Variants in SHANK2 observed in about 807,000 individuals in gnomAD.
SHANK2 encodes the protein SH3 and multiple ankyrin repeat domains protein 2.
A neutral mutation model predicts 133.7 loss-of-function variants in SHANK2; 43 were observed. The ratio of observed to expected loss-of-function variants is 0.32; its 90% confidence interval spans 0.25 to 0.41. The LOEUF (loss-of-function observed/expected upper bound fraction) is 0.41, where lower values mean the gene tolerates loss of function less well. SHANK2 is among the 10% of genes least tolerant of loss of function. The pLI is 1.00. For synonymous variants in SHANK2, 1,017 were observed against 952.8 expected, an observed-to-expected ratio of 1.07 and a Z score of -1.24; for missense variants, 1,994 against 2,235.8, an observed-to-expected ratio of 0.89 and a Z score of 2.18.
Position 70,938,833 on chromosome 11 carries a change from G to A in SHANK2, c.1108-42266C>T, listed in dbSNP as rs138370877. ...CTAGAGCATGGAATGCAGTGAGCAC[G>A]GCAGAGAAGGGAGGTGACGTGATAA... is the stretch of plus-strand genomic sequence containing the variant. On this transcript the variant is annotated intron_variant, in intron 10 of 25. Coordinates refer to ENST00000601538, the MANE Select transcript of SHANK2 (RefSeq NM_012309.5). 5.5e-3 allele frequency among the ~76,000 whole-genome samples: 831 copies of A among 152,212 alleles called. 5 individuals are homozygous for A. The highest frequency in any genetic ancestry group is 0.019 in the African/African-American group (791 of 41,518).
chr11:71,203,311 C>G (rs768658208), intron 2 of SHANK2, among the ~76,000 whole-genome samples: 3 of 152,092 alleles, frequency 2.0e-5, no homozygotes, highest in Non-Finnish European at 4.4e-5. Context: ...CTATGATAAC[C>G]CCTATTTCAA....
chr11:70,849,834 C>G (rs1949056502), intron 11 of SHANK2, among the ~76,000 whole-genome samples: 1 of 152,094 alleles, frequency 6.6e-6, no homozygotes, highest in Non-Finnish European at 1.5e-5. Context: ...AATGTTTTTA[C>G]TCATGGCAAA....
In SHANK2 at chr11:70,820,296, C is replaced by T; in HGVS notation, c.1493+68G>A. The T allele has an allele frequency of 8.5e-6, 5 of 591,438 alleles. No homozygotes were observed. In the South Asian group the frequency reaches 8.7e-5, roughly 10 times the overall value. 36.6% of individuals were successfully genotyped at this position (591,438 alleles called of 1,614,324 possible). ...TTCCTGCTCAACTTCTGGGCCACCC[C>T]AAGTTGGAGGAGCTGGGACCCCCAG... is the stretch of plus-strand genomic sequence containing the variant. On this transcript the variant is annotated intron_variant, in intron 12 of 25. Transcript: ENST00000601538.
At chr11:70,531,350 T>C (rs2059467674) in intron 17 of SHANK2, among the ~76,000 whole-genome samples, 1 of 152,180 alleles carries the variant, frequency 6.6e-6, no homozygotes, top group Non-Finnish European at 1.5e-5. Flanking sequence ...GTGGGGCCAC[T>C]CTTTGGGGTC....
intron 17 of SHANK2, among the ~76,000 whole-genome samples, chr11:70,515,637 GAAAA>G (rs58440823): frequency 5.0e-5 from 4 of 79,958 alleles, no homozygotes; most frequent in South Asian, 7.0e-4. Context: ...CTCGTTCCTT[GAAAA>G]AAAAAAAAAA....
intron 14 of SHANK2, among the ~76,000 whole-genome samples, chr11:70,775,729 C>T (rs1271173744): frequency 1.3e-5 from 2 of 152,210 alleles, no homozygotes; most frequent in Non-Finnish European, 1.5e-5. Context: ...TCCTTGGTTA[C>T]ATGATTTGTT....
At chr11:70,501,796 C>G in intron 20 of SHANK2, 127 bp downstream of exon 20, 1 of 932,992 alleles carries the variant, frequency 1.1e-6, no homozygotes, top group Non-Finnish European at 1.7e-6. Context: ...GAGGATGGAG[C>G]CTTCTGGTCT....
chr11:70,584,321 T>G (rs1341309772), intron 17 of SHANK2, among the ~76,000 whole-genome samples: 1 of 152,196 alleles, frequency 6.6e-6, no homozygotes, highest in Non-Finnish European at 1.5e-5. Flanking sequence ...TCTGTGTCTT[T>G]TATTTTCTCT....
intron 11 of SHANK2, among the ~76,000 whole-genome samples, chr11:70,848,823 G>A (rs1161710382): frequency 1.3e-5 from 2 of 152,112 alleles, no homozygotes; most frequent in Admixed American, 1.3e-4. Context: ...TTACAGAATG[G>A]GAGAGCCAGT....
rs1421248443 is a variant in SHANK2 at position 70,679,471 on chromosome 11, T to G, written c.1854-17793A>C. ...ACCCTCGGCCCCCTCTTTTGGGGTG[T>G]GCACCTGCCTGGGGCAGTCCCTCTG... is the stretch of plus-strand genomic sequence containing the variant. On this transcript the variant is annotated intron_variant, in intron 15 of 25. Transcript: ENST00000601538. Among the ~76,000 whole-genome samples the G allele has an allele frequency of 2.6e-5, 4 of 152,236 alleles. No homozygotes were observed. In the East Asian group the frequency reaches 7.7e-4, roughly 29 times the overall value.
chr11:70,671,822 G>A (rs12575685), intron 15 of SHANK2, among the ~76,000 whole-genome samples: 35,137 of 152,030 alleles, frequency 0.23, 4,920 homozygotes, highest in Non-Finnish European at 0.31. Context: ...TCCAAAGCTG[G>A]CACGGACTCT....
At chr11:70,541,339 A>C (rs948748710) in intron 17 of SHANK2, among the ~76,000 whole-genome samples, 64 of 152,286 alleles carry the variant, frequency 4.2e-4, no homozygotes, top group African/African-American at 1.5e-3. Flanking sequence ...TGGCGGGAAC[A>C]GTAGGAATAG....
At chr11:70,592,845 C>T (rs782103170) in intron 17 of SHANK2, among the ~76,000 whole-genome samples, 3 of 152,202 alleles carry the variant, frequency 2.0e-5, no homozygotes, top group Non-Finnish European at 1.5e-5. Flanking sequence ...ACCCGATGTC[C>T]AGCAGAGGGA....
intron 17 of SHANK2, among the ~76,000 whole-genome samples, chr11:70,630,705 T>G (rs557324): frequency 0.59 from 90,362 of 151,886 alleles, 27,195 homozygotes; most frequent in Middle Eastern, 0.71. Context: ...ACACCTGGAC[T>G]CCCCAGAAGC....
intron 17 of SHANK2, among the ~76,000 whole-genome samples, chr11:70,574,194 T>C (rs1214421829): frequency 6.6e-6 from 1 of 152,246 alleles, no homozygotes; most frequent in Non-Finnish European, 1.5e-5. Flanking sequence ...CAGTTTACCC[T>C]GCTGATCAAT....
At chr11:70,811,155 G>A (rs1288841452) in intron 12 of SHANK2, among the ~76,000 whole-genome samples, 2 of 152,184 alleles carry the variant, frequency 1.3e-5, no homozygotes, top group African/African-American at 4.8e-5. Context: ...CGAGGGGAAA[G>A]GGTGGGTCAA....
chr11:71,134,437 C>A (rs1285380081), intron 3 of SHANK2, among the ~76,000 whole-genome samples: 2 of 114,376 alleles, frequency 1.7e-5, no homozygotes, highest in African/African-American at 7.4e-5. Context: ...TATTACATCT[C>A]AATTTTTTTT....
chr11:71,182,206 G>A (rs1261945740), intron 2 of SHANK2, among the ~76,000 whole-genome samples: 2 of 152,070 alleles, frequency 1.3e-5, no homozygotes, highest in East Asian at 1.9e-4. Context: ...TAAGTAGCAC[G>A]GCTGTCCATC....
rs141302183 is a variant in SHANK2 at position 70,610,063 on chromosome 11, C to T, written c.2061+49765G>A. 1.8e-3 allele frequency among the ~76,000 whole-genome samples: 268 copies of T among 149,168 alleles called. 1 individual carries two copies. The Middle Eastern group carries it at 0.034, about 19-fold the overall frequency. The stretch of plus-strand genomic sequence containing the variant: ...AGGGACCAGGGAGGGGTGAGGGGAG[C>T]GGCTGCCAGGAGGTTCGGGGTTCCT... On this transcript the variant is annotated intron_variant, in intron 17 of 25. Coordinates refer to ENST00000601538, the MANE Select transcript of SHANK2 (RefSeq NM_012309.5).
Sources: allele counts gnomAD v4.1 joint callset (sites outside exome capture counted in the v4.1 genomes callset), GRCh38; gene constraint gnomAD v4.1.1; transcripts MANE v1.5; gene names NCBI Gene and HGNC (gene_info 2026-07-23, HGNC 2026-07-21).